Variants in ITPRID2 observed in about 807,000 individuals in gnomAD.
The protein encoded by ITPRID2 is protein ITPRID2.
Under a neutral mutation model 124.3 loss-of-function variants are expected in ITPRID2, and 60 were observed. The ratio of observed to expected loss-of-function variants is 0.48; its 90% CI spans 0.39 to 0.60. The LOEUF (loss-of-function observed/expected upper bound fraction) is 0.60, where lower values mean the gene tolerates loss of function less well. Among genes scored for constraint, ITPRID2 ranks in the 20% least tolerant of loss-of-function variants. The pLI is 0.00. For missense variants in ITPRID2, 1,553 were observed against 1,512.2 expected (o/e 1.03, Z -0.45); for synonymous variants, 521 against 542.9 (o/e 0.96, Z 0.56).
rs1008287273 is a variant in ITPRID2 at position 181,910,267 on chromosome 2, A to C, written c.1486+296A>C. On this transcript the variant is annotated intron_variant, in intron 9 of 17. Coordinates refer to ENST00000431877, the MANE Select transcript of ITPRID2 (RefSeq NM_001130445.3). This position sits in a 1 kb window ranked among gnomAD's most constrained non-coding sequence, Gnocchi z 4.1. ...GAGCTAGTTGGGAAGTGATAGAGCA[A>C]TGGATTAAGACTACCTTTTACATTG... Among the ~76,000 whole-genome samples, 2 of 152,220 alleles carry C rather than the reference A, an allele frequency of 1.3e-5. No individual in the cohort carries two copies. The highest frequency in any genetic ancestry group is 2.9e-5 in the Non-Finnish European group (2 of 68,020).
rs1487363253 is a variant in ITPRID2 at position 181,892,176 on chromosome 2, C to G, written c.110C>G (p.Ser37Trp). The G allele has an allele frequency of 6.4e-7, 1 of 1,553,704 alleles. No homozygotes were observed. Among genetic ancestry groups the G allele is most frequent in the East Asian group, 2.4e-5 (1 of 41,178 alleles). ...AAGTGCCGCAGCTCCTGGCAAGCGT[C>G]GGAGACGGAGGATCTGTCCACAGAA... Reference protein sequence around the residue: ...WAKCRSSWQASETEDLSTEAT... With the variant: ...WAKCRSSWQAWETEDLSTEAT... The change falls in exon 1 of 18, where the codon TCG becomes TGG. Residue 37 changes from serine to tryptophan, a missense_variant. Coordinates refer to ENST00000431877, the MANE Select transcript of ITPRID2 (RefSeq NM_001130445.3). The surrounding 1 kb of genome is among the most constrained non-coding windows in gnomAD (Gnocchi z 5.2).
chr2:181,915,597 G>A lies in ITPRID2; in HGVS notation c.1957G>A (p.Glu653Lys), dbSNP rs1693967430. Residue 653 changes from glutamate to lysine, a missense_variant, in exon 11 of 18, where the codon GAA becomes AAA. Transcript: ENST00000431877. ...TGATGTGGGTAAAAGCAGTGAAAGT[G>A]AATTTACTCAGTATACCACACACCA... ...ESDVGKSSES[E>K]FTQYTTHHIL... The A allele has an allele frequency of 4.3e-6, 7 of 1,614,082 alleles. No individual in the cohort carries two copies. Among genetic ancestry groups the A allele is most frequent in the Non-Finnish European group, 5.9e-6 (7 of 1,180,048 alleles).
At chr2:181,920,808 G>GA (rs1694426727) in intron 15 of ITPRID2, 146 bp downstream of exon 15, 2 of 683,236 alleles carry the variant, frequency 2.9e-6, no homozygotes, top group African/African-American at 3.6e-5. Flanking sequence ...TTTCACCTTT[G>GA]AAAGTCCATT....
At position 181,914,089 on chromosome 2, in the gene ITPRID2, C is replaced by T. The variant is rs571583727; in HGVS notation, c.1575+156C>T. Among the ~76,000 whole-genome samples, 9 of 152,246 alleles carry T rather than the reference C, an allele frequency of 5.9e-5. No homozygotes were observed. In the South Asian group the frequency reaches 1.9e-3, roughly 32 times the overall value. The stretch of plus-strand genomic sequence containing the variant: ...ATGTAGATGTTATCTAAGCATTTGA[C>T]TATAAATTTTAGATTTCATTAATTC... On this transcript the variant is annotated intron_variant, in intron 10 of 17. Coordinates refer to ENST00000431877, the MANE Select transcript of ITPRID2 (RefSeq NM_001130445.3).
intron 15 of ITPRID2, 131 bp downstream of exon 15, chr2:181,920,793 G>A (rs1390588638): frequency 2.7e-6 from 2 of 751,700 alleles, no homozygotes; most frequent in East Asian, 5.6e-5. Context: ...TTGATTGGAA[G>A]TGACTTTCAC....
At chr2:181,906,673 A>T (rs1263692186) in intron 8 of ITPRID2, among the ~76,000 whole-genome samples, 1 of 152,082 alleles carries the variant, frequency 6.6e-6, no homozygotes, top group East Asian at 1.9e-4. Context: ...CAGGCAGTTG[A>T]GGCTGCAGTG....
chr2:181,909,004 G>A (rs187926500), intron 8 of ITPRID2, among the ~76,000 whole-genome samples: 20 of 152,150 alleles, frequency 1.3e-4, no homozygotes, highest in African/African-American at 3.4e-4. Context: ...ATTTAATGTT[G>A]ACATAGAGTT....
chr2:181,906,072 G>A (rs907942899), intron 8 of ITPRID2, among the ~76,000 whole-genome samples: 2 of 152,138 alleles, frequency 1.3e-5, no homozygotes, highest in Non-Finnish European at 2.9e-5. Context: ...GTGTGTATGT[G>A]TAAAACTCGA....
At chr2:181,920,540 G>T in intron 14 of ITPRID2, 57 bp from the exon 15 acceptor site, 1 of 1,148,588 alleles carries the variant, frequency 8.7e-7, no homozygotes, top group Non-Finnish European at 1.3e-6. Context: ...AATTATATAT[G>T]CATGTATGTA....
At position 181,900,850 on chromosome 2, in the gene ITPRID2, T is replaced by C; in HGVS notation, c.658T>C (p.Leu220=). 6.2e-7 allele frequency: 1 copy of C among 1,613,010 alleles called. No homozygotes were observed. The highest frequency in any genetic ancestry group is 8.5e-7 in the Non-Finnish European group (1 of 1,179,574). The change falls in exon 7 of 18, where the codon TTG becomes CTG. Residue 220 remains leucine (L), a synonymous_variant. Transcript: ENST00000431877. ...FAKGIDIKVF[L]SAQMQRMEVE... is the part of the protein sequence containing the mutation. ...CAAAGGGATAGATATTAAAGTATTTTTGAGTGCTCAGATGCAACGGATGGA... is the reference window on the plus strand; with the variant it reads ...CAAAGGGATAGATATTAAAGTATTTCTGAGTGCTCAGATGCAACGGATGGA...
intron 9 of ITPRID2, among the ~76,000 whole-genome samples, chr2:181,911,955 T>C (rs950237593): frequency 6.6e-6 from 1 of 152,202 alleles, no homozygotes; most frequent in Non-Finnish European, 1.5e-5. Flanking sequence ...TGACCCAAAC[T>C]GTGTACTTAG....
At chr2:181,922,661 A>G (rs1694565380) in intron 16 of ITPRID2, among the ~76,000 whole-genome samples, 1 of 152,220 alleles carries the variant, frequency 6.6e-6, no homozygotes, top group Admixed American at 6.5e-5. Flanking sequence ...GGTGAAAAAG[A>G]TATGTGAAGG....
Position 181,928,237 on chromosome 2 carries a change from C to T in ITPRID2, c.3752C>T (p.Ala1251Val), listed in dbSNP as rs1254531584. 39 of 1,546,368 alleles carry T rather than the reference C, an allele frequency of 2.5e-5. No individual in the cohort carries two copies. Among genetic ancestry groups the T allele is most frequent in the South Asian group, 1.1e-4 (9 of 82,500 alleles). Residue 1251 changes from alanine (A) to valine (V), a missense_variant, in exon 17 of 18, where the codon GCG becomes GTG. Coordinates refer to ENST00000431877, the MANE Select transcript of ITPRID2 (RefSeq NM_001130445.3). The part of the protein sequence containing the change: ...GLLAAVSSSK[A>V]SNSKQDYH ...TTGGCAGCAGTATCTTCAAGTAAAG[C>T]GTCTAATTCTAAGCAAGATTATCAT...
chr2:181,928,906 G>A (rs755711636), intron 17 of ITPRID2, among the ~76,000 whole-genome samples: 3 of 152,104 alleles, frequency 2.0e-5, no homozygotes, highest in Non-Finnish European at 4.4e-5. Context: ...GATTACAGGC[G>A]TGAGCCACCG....
Position 181,913,915 on chromosome 2 carries a change from A to C in ITPRID2, c.1557A>C (p.Leu519=), listed in dbSNP as rs766024533. 6.2e-7 allele frequency: 1 copy of C among 1,612,874 alleles called. No homozygotes were observed. Among genetic ancestry groups the C allele is most frequent in the Non-Finnish European group, 8.5e-7 (1 of 1,179,578 alleles). The change falls in exon 10 of 18, where the codon CTA becomes CTC. Residue 519 remains leucine, a synonymous_variant. Transcript: ENST00000431877. ...TTGCTGAAGATTCTACAGACTGCCT[A>C]TCCCTTAATCATCTTCAGGTAAAAT... is the stretch of plus-strand genomic sequence containing the variant. ...SGFAEDSTDC[L]SLNHLQVQES... is the part of the protein sequence containing the mutation.
intron 6 of ITPRID2, among the ~76,000 whole-genome samples, chr2:181,900,133 C>G (rs78802416): frequency 6.6e-6 from 1 of 152,136 alleles, no homozygotes; most frequent in South Asian, 2.1e-4. Context: ...GTAACCCACA[C>G]TCTCTGTACC....
intron 2 of ITPRID2, among the ~76,000 whole-genome samples, chr2:181,895,397 C>G (rs1692109096): frequency 6.6e-6 from 1 of 151,920 alleles, no homozygotes; most frequent in Non-Finnish European, 1.5e-5. Context: ...ATTCTCAAGT[C>G]AACTTTTTAG....
chr2:181,897,089 A>G, intron 4 of ITPRID2, 125 bp downstream of exon 4: 2 of 761,870 alleles, frequency 2.6e-6, no homozygotes, highest in Non-Finnish European at 2.3e-6. Context: ...TGGCTCAGGC[A>G]TATTTTACAT....
intron 16 of ITPRID2, among the ~76,000 whole-genome samples, chr2:181,923,943 C>G (rs1301828513): frequency 6.6e-6 from 1 of 152,096 alleles, no homozygotes; most frequent in African/African-American, 2.4e-5. Flanking sequence ...ATTAGGCTGC[C>G]TTGGTCCTAG....
Sources: gnomAD v4.1 joint callset for allele counts (sites outside exome capture counted in the v4.1 genomes callset) on GRCh38, gnomAD v4.1.1 for gene constraint, Gnocchi (gnomAD v3.1) non-coding constraint, MANE v1.5 for transcripts, NCBI Gene and HGNC (gene_info 2026-07-23, HGNC 2026-07-21) for gene names.